The following NRXN3 variants were observed in gnomAD, a reference collection of about 807,000 sequenced individuals.
NRXN3 encodes the protein neurexin 3.
Under a neutral mutation model 137.6 loss-of-function variants are expected in NRXN3, and 32 were observed. The ratio of observed to expected loss-of-function variants is 0.23; its 90% confidence interval spans 0.18 to 0.31. The LOEUF is 0.31. Ranked by LOEUF, NRXN3 falls within the 10% of genes least tolerant of loss-of-function variation. The pLI, the probability that NRXN3 is intolerant of heterozygous loss-of-function variation, is 1.00. For missense variants in NRXN3, 1,574 were observed against 2,062.5 expected, an observed-to-expected ratio of 0.76 and a Z score of 4.59; for synonymous variants, 798 against 784.5, an observed-to-expected ratio of 1.02 and a Z score of -0.29.
At chr14:78,747,045 C>A (rs1296699870) in intron 8 of NRXN3, among the ~76,000 whole-genome samples, 1 of 152,080 alleles carries the variant, frequency 6.6e-6, no homozygotes, top group Non-Finnish European at 1.5e-5. Flanking sequence ...CAGGTATGAA[C>A]CTCACCATTT....
chr14:79,110,956 A>G (rs933347611), intron 15 of NRXN3, among the ~76,000 whole-genome samples: 1 of 151,854 alleles, frequency 6.6e-6, no homozygotes, highest in Admixed American at 6.6e-5. Context: ...ACACCTGGCT[A>G]ATTTTTTGTT....
At chr14:79,222,742 CATT>C (rs71131685) in intron 15 of NRXN3, among the ~76,000 whole-genome samples, 82,918 of 151,488 alleles carry the variant, frequency 0.55, 23,714 homozygotes, top group Non-Finnish European at 0.65. Flanking sequence ...AATGGCATCT[CATT>C]GTTGTTTTAA....
chr14:79,043,819 A>G (rs2099628899), intron 15 of NRXN3, among the ~76,000 whole-genome samples: 1 of 152,150 alleles, frequency 6.6e-6, no homozygotes. Flanking sequence ...GACATCGCTG[A>G]GAGAAATTCA....
At position 78,361,001 on chromosome 14, in the gene NRXN3, C is replaced by T. The variant is rs552596795; in HGVS notation, c.757+63141C>T. 4.6e-5 allele frequency among the ~76,000 whole-genome samples: 7 copies of T among 152,330 alleles called. 1 individual carries two copies. The East Asian group carries it at 1.2e-3, about 25-fold the overall frequency. ...ACCCCAGTGGTTCTCAGCTGATGCTCCTCAGCCAACTTGGATTCACTGATT... is the reference window on the plus strand; with the variant it reads ...ACCCCAGTGGTTCTCAGCTGATGCTTCTCAGCCAACTTGGATTCACTGATT... On this transcript the variant is annotated intron_variant, in intron 4 of 20. Transcript: ENST00000335750.
rs578064142 is a variant in NRXN3, at chr14:79,734,119, C to T, written c.4014+36182C>T. Among the ~76,000 whole-genome samples the T allele has an allele frequency of 3.9e-5, 6 of 152,248 alleles. No homozygotes were observed. In the East Asian group the frequency reaches 1.2e-3, roughly 29 times the overall value. ...TTGACAAATTCATGGTCTGCACCTC[C>T]CCCAAACCAGTGCATTTCTAAACAG... On this transcript the variant is annotated intron_variant, in intron 19 of 20. Transcript: ENST00000335750.
At chr14:78,620,008 G>C (rs1261692767) in intron 4 of NRXN3, among the ~76,000 whole-genome samples, 1 of 152,112 alleles carries the variant, frequency 6.6e-6, no homozygotes, top group Non-Finnish European at 1.5e-5. Flanking sequence ...CCAGAACTGT[G>C]CAAAATAAAT....
intron 6 of NRXN3, among the ~76,000 whole-genome samples, chr14:78,688,806 G>A (rs2098143979): frequency 6.6e-6 from 1 of 151,980 alleles, no homozygotes; most frequent in South Asian, 2.1e-4. Flanking sequence ...TCTTCATAGA[G>A]AAAAGAGAAC....
chr14:79,067,606 A>T (rs1415603591), intron 15 of NRXN3, among the ~76,000 whole-genome samples: 2 of 151,778 alleles, frequency 1.3e-5, no homozygotes, highest in South Asian at 2.1e-4. Context: ...GGGCTTTTTT[A>T]GTTGGTAGGC....
At chr14:79,674,412 C>T (rs1399384204) in intron 17 of NRXN3, among the ~76,000 whole-genome samples, 4 of 152,070 alleles carry the variant, frequency 2.6e-5, no homozygotes, top group Non-Finnish European at 5.9e-5. Flanking sequence ...TTAGTGTCAT[C>T]TCCCCAGTGG....
At chr14:78,863,068 A>T (rs31362) in intron 10 of NRXN3, among the ~76,000 whole-genome samples, 245 of 152,046 alleles carry the variant, frequency 1.6e-3, no homozygotes, top group African/African-American at 5.8e-3. Flanking sequence ...TTTAAGCTAA[A>T]CTCCTGCCCA....
intron 8 of NRXN3, among the ~76,000 whole-genome samples, chr14:78,738,629 G>C (rs764787215): frequency 6.6e-6 from 1 of 152,154 alleles, no homozygotes; most frequent in African/African-American, 2.4e-5. Flanking sequence ...AAAACTCTAC[G>C]CATGAAGAGG....
chr14:78,331,653 G>C (rs951803757), intron 4 of NRXN3, among the ~76,000 whole-genome samples: 3 of 152,208 alleles, frequency 2.0e-5, no homozygotes, highest in African/African-American at 7.2e-5. Context: ...GGTAGCCTGA[G>C]AGTTCCAGGA....
Position 79,259,494 on chromosome 14 carries a change from A to G in NRXN3, c.3263-207727A>G, listed in dbSNP as rs573603223. 4.6e-5 allele frequency among the ~76,000 whole-genome samples: 7 copies of G among 150,898 alleles called. No individual in the cohort carries two copies. In the South Asian group the frequency reaches 1.5e-3, roughly 32 times the overall value. On this transcript the variant is annotated intron_variant, in intron 15 of 20. Coordinates refer to ENST00000335750, the MANE Select transcript of NRXN3 (RefSeq NM_001330195.2). Reference sequence around the variant, plus strand: ...ACGTCAACGTGGTTGTAGCATCAATAGAATAAGGTTTTAGTTATATATATA... The same window carrying G: ...ACGTCAACGTGGTTGTAGCATCAATGGAATAAGGTTTTAGTTATATATATA...
At chr14:79,560,450 T>A (rs2097480950) in intron 16 of NRXN3, among the ~76,000 whole-genome samples, 1 of 149,482 alleles carries the variant, frequency 6.7e-6, no homozygotes, top group Admixed American at 6.7e-5. Flanking sequence ...CTGGAAGCCA[T>A]TTTGACACCT....
intron 1 of NRXN3, among the ~76,000 whole-genome samples, chr14:78,227,461 C>A (rs1387156481): frequency 6.6e-6 from 1 of 152,168 alleles, no homozygotes; most frequent in African/African-American, 2.4e-5. Context: ...TGTATGCAGT[C>A]AGTACTTACT....
chr14:78,594,003 C>T (rs1427211664), intron 4 of NRXN3, among the ~76,000 whole-genome samples: 1 of 152,114 alleles, frequency 6.6e-6, no homozygotes, highest in African/African-American at 2.4e-5. Flanking sequence ...CCAGCTTTCT[C>T]CTTCCCCCAT....
chr14:79,000,186 G>A (rs767596905), intron 15 of NRXN3, among the ~76,000 whole-genome samples: 4 of 151,852 alleles, frequency 2.6e-5, no homozygotes, highest in African/African-American at 4.9e-5. Context: ...TTTGAAATCA[G>A]CCCTTTACTA....
intron 2 of NRXN3, among the ~76,000 whole-genome samples, chr14:78,257,081 C>T (rs1366723640): frequency 6.6e-6 from 1 of 152,174 alleles, no homozygotes; most frequent in African/African-American, 2.4e-5. Flanking sequence ...GGGAGATACT[C>T]CAGTTACAGT....
rs57137268 is a variant in NRXN3, at chr14:78,733,015, T to G, written c.2044+17876T>G. On this transcript the variant is annotated intron_variant, in intron 8 of 20. Coordinates refer to ENST00000335750, the MANE Select transcript of NRXN3 (RefSeq NM_001330195.2). ...TGAAGAATATGCACTGCATAGGGTT[T>G]TGGTATTCAGGCTTCATTATTTTTG... Among the ~76,000 whole-genome samples, 1,062 of 152,292 alleles carry G rather than the reference T, an allele frequency of 7.0e-3. 15 individuals carry two copies. The highest frequency in any genetic ancestry group is 0.024 in the African/African-American group (985 of 41,572).
Sources: allele counts gnomAD v4.1 joint callset (sites outside exome capture counted in the v4.1 genomes callset), GRCh38; gene constraint gnomAD v4.1.1; transcripts MANE v1.5; gene names NCBI Gene and HGNC (gene_info 2026-07-23, HGNC 2026-07-21).